NDUFB11: variants seen among roughly 807,000 people sequenced by gnomAD.
The protein encoded by NDUFB11 is NADH:ubiquinone oxidoreductase subunit B11.
For synonymous variants in NDUFB11, 51 were observed against 57.4 expected, an observed-to-expected ratio of 0.89 and a Z score of 0.51; for missense variants, 108 against 133.8, an observed-to-expected ratio of 0.81 and a Z score of 0.95.
At chrX:47,144,346 G>C in intron 1 of NDUFB11, 127 bp downstream of exon 1, 1 of 477,772 alleles carries the variant, frequency 2.1e-6, no homozygotes, top group Non-Finnish European at 3.0e-6. Context: ...AAGTCTTCTA[G>C]GCTTTCGCCG....
intron 1 of NDUFB11, 146 bp from the exon 2 acceptor site, chrX:47,142,890 G>T: frequency 1.6e-6 from 1 of 630,817 alleles, no homozygotes; most frequent in Non-Finnish European, 2.4e-6. Context: ...CCCACTGCAG[G>T]GCCACTGCAC....
intron 2 of NDUFB11, 34 bp from the exon 3 acceptor site, chrX:47,142,474 G>T: frequency 3.3e-6 from 4 of 1,208,956 alleles, no homozygotes; most frequent in Non-Finnish European, 4.5e-6. Flanking sequence ...AGACGTGAGG[G>T]AGCCTCAACT....
chrX:47,143,963 C>A (rs1181382130), intron 1 of NDUFB11, among the ~76,000 whole-genome samples: 1 of 110,884 alleles, frequency 9.0e-6, no homozygotes, highest in African/African-American at 3.3e-5. Context: ...GGGTTTGTTT[C>A]GAGTATAAGA....
upstream of NDUFB11, chrX:47,145,125 TG>T (rs1210392713): frequency 5.5e-6 from 2 of 366,264 alleles, no homozygotes; most frequent in Non-Finnish European, 9.6e-6. Context: ...GCAAGGGGTG[TG>T]GGGAGGTGGC....
chrX:47,145,278 G>C, upstream of NDUFB11: 1 of 542,731 alleles, frequency 1.8e-6, no homozygotes, highest in Non-Finnish European at 3.1e-6. Flanking sequence ...ATTTTGAGCT[G>C]GTGACTGTGG....
At chrX:47,144,445 T>TTGGGGGCC in intron 1 of NDUFB11, 28 bp downstream of exon 1, 1 of 61,005 alleles carries the variant, frequency 1.6e-5, no homozygotes, top group Non-Finnish European at 2.6e-5. Context: ...CCGTCCCCAC[T>TTGGGGGCC]ACCCCCCCCC....
At chrX:47,145,251 C>T, upstream of NDUFB11, 2 of 484,440 alleles carry the variant, frequency 4.1e-6, no homozygotes, top group Non-Finnish European at 7.2e-6. Flanking sequence ...AGCGCCGACT[C>T]CCTTCTCGTC....
At position 47,144,362 on chromosome X, in the gene NDUFB11, G is replaced by A. The variant is rs1931901919; in HGVS notation, c.207+111C>T. On this transcript the variant is annotated intron_variant, in intron 1 of 2. Transcript: ENST00000377811. ...AGTCTTCTAGGCTTTCGCCGGCCGC[G>A]CAGTCCTCTACTGCCTAAGAACGTC... The A allele has an allele frequency of 1.3e-5, 7 of 542,683 alleles. No homozygotes were observed. The Middle Eastern group carries it at 2.0e-3, about 158-fold the overall frequency. The allele number at this position is 542,683 out of a possible 1,213,427, so 44.7% of individuals were successfully genotyped here.
At chrX:47,142,956 T>C (rs782269944) in intron 1 of NDUFB11, among the ~76,000 whole-genome samples, 4 of 112,436 alleles carry the variant, frequency 3.6e-5, no homozygotes, top group Admixed American at 1.9e-4. Context: ...TGGCTGGATC[T>C]GTCTCCTCAT....
chrX:47,142,896 T>C, intron 1 of NDUFB11, 152 bp from the exon 2 acceptor site: 1 of 580,899 alleles, frequency 1.7e-6, no homozygotes, highest in Non-Finnish European at 2.6e-6. Context: ...GCAGGGCCAC[T>C]GCACTTGCTG....
rs782327477 is a variant in NDUFB11 at position 47,142,371 on chromosome X, G to T, written c.408C>A (p.Ile136=). 1 of 1,211,613 alleles carries T rather than the reference G, an allele frequency of 8.3e-7. No homozygotes were observed. The highest frequency in any genetic ancestry group is 1.1e-6 in the Non-Finnish European group (1 of 895,440). ...VKYREANGLP[I]MESNCFDPSK... ...TGGGGTCGAAGCAGTTGGATTCCAT[G>T]ATGGGAAGGCCATTGGCCTCTCGGT... Residue 136 remains isoleucine (I), a synonymous_variant, in exon 3 of 3, where the codon ATC becomes ATA. Coordinates refer to ENST00000377811, the MANE Select transcript of NDUFB11 (RefSeq NM_001135998.3).
upstream of NDUFB11, chrX:47,145,358 G>A (rs181770538): frequency 1.7e-5 from 17 of 992,692 alleles, no homozygotes; most frequent in African/African-American, 1.9e-4. Flanking sequence ...CCCTCCCCCC[G>A]ATCTGCCTCC....
intron 1 of NDUFB11, 133 bp downstream of exon 1, chrX:47,144,340 C>A: frequency 2.2e-6 from 1 of 460,412 alleles, no homozygotes; most frequent in South Asian, 7.6e-5. Context: ...ATTCCCAAGT[C>A]TTCTAGGCTT....
At chrX:47,142,777 T>C in intron 1 of NDUFB11, 33 bp from the exon 2 acceptor site, 1 of 1,191,262 alleles carries the variant, frequency 8.4e-7, no homozygotes, top group East Asian at 3.0e-5. Context: ...GAGGGCTTCC[T>C]GCTGCTCCAC....
intron 1 of NDUFB11, among the ~76,000 whole-genome samples, chrX:47,143,670 T>G (rs898095602): frequency 1.8e-5 from 2 of 112,100 alleles, no homozygotes; most frequent in African/African-American, 6.5e-5. Context: ...GTCCTATTTT[T>G]TAGAAGGTGT....
Position 47,144,454 on chromosome X carries a change from CCCCCCCCCCG to C in NDUFB11, c.207+9_207+18del, listed in dbSNP as rs781959247. ...GGGGTTCCGTCCCCACTACCCCCCC[CCCCCCCCCCG>C]CCTCTCACCTTCTCATACAAGTTTT... is the stretch of plus-strand genomic sequence containing the variant. On this transcript the variant is annotated intron_variant, in intron 1 of 2. Transcript: ENST00000377811. 3.2e-5 allele frequency: 6 copies of C among 186,832 alleles called. No individual in the cohort carries two copies. The highest frequency in any genetic ancestry group is 4.2e-5 in the Non-Finnish European group (6 of 142,291). The allele number at this position is 186,832 out of a possible 1,213,427, so 15.4% of individuals were successfully genotyped here.
intron 2 of NDUFB11, 38 bp downstream of exon 2, chrX:47,142,576 C>A: frequency 8.3e-7 from 1 of 1,209,976 alleles, no homozygotes; most frequent in African/African-American, 1.7e-5. Flanking sequence ...CCTGCCTCTG[C>A]CTCTTACCCA....
chrX:47,144,408 C>A (rs1427050758), intron 1 of NDUFB11, 65 bp downstream of exon 1: 3 of 816,401 alleles, frequency 3.7e-6, no homozygotes, highest in Non-Finnish European at 4.9e-6. Flanking sequence ...CCCCATCTGC[C>A]GATCCCGGAC....
At chrX:47,145,243 C>A (rs915435549), upstream of NDUFB11, 7 of 468,260 alleles carry the variant, frequency 1.5e-5, no homozygotes, top group Admixed American at 6.3e-5. Context: ...GTGGTCGGAG[C>A]GCCGACTCCC....
Sources: gnomAD v4.1 joint callset for allele counts (sites outside exome capture counted in the v4.1 genomes callset) on GRCh38, gnomAD v4.1.1 for gene constraint, MANE v1.5 for transcripts, NCBI Gene and HGNC (gene_info 2026-07-23, HGNC 2026-07-21) for gene names.